The following ITGB5 variants were observed in gnomAD, a reference collection of about 807,000 sequenced individuals.
The protein encoded by ITGB5 is integrin subunit beta 5, also known as integrin beta-5.
A neutral mutation model predicts 84.8 loss-of-function variants in ITGB5; 38 were observed. The ratio of observed to expected loss-of-function variants is 0.45; its 90% CI spans 0.35 to 0.59. The LOEUF (loss-of-function observed/expected upper bound fraction) is 0.59, where lower values mean the gene tolerates loss of function less well. Ranked by LOEUF, ITGB5 falls within the 20% of genes least tolerant of loss-of-function variation. The pLI, the probability that ITGB5 is intolerant of heterozygous loss-of-function variation, is 0.01. For synonymous variants in ITGB5, 393 were observed against 414.4 expected (o/e 0.95, Z 0.63); for missense variants, 905 against 1,034.5 (o/e 0.87, Z 1.72).
rs527338905 is a variant in ITGB5 at position 124,844,554 on chromosome 3, G to A, written c.612-3003C>T. Among the ~76,000 whole-genome samples the A allele has an allele frequency of 1.1e-3, 173 of 151,842 alleles. 1 individual carries two copies. The highest frequency in any genetic ancestry group is 1.7e-3 in the Non-Finnish European group (117 of 67,928). On this transcript the variant is annotated intron_variant, in intron 4 of 14. Transcript: ENST00000296181. ...CAGCCTGAGTAACAGAGCAAGACTC[G>A]GTCTCAAAAAAAAAAGGTAGGAAAT... is the stretch of plus-strand genomic sequence containing the variant.
rs144809458 is a variant in ITGB5, at chr3:124,806,933, T to C, written c.1263+2089A>G. On this transcript the variant is annotated intron_variant, in intron 9 of 14. Transcript: ENST00000296181. ...GTACCTCTTTAATGAGATGAGGCTT[T>C]CCCCCCGATGTAAAATAATATTAAT... 1.6e-3 allele frequency among the ~76,000 whole-genome samples: 238 copies of C among 152,182 alleles called. 1 individual carries two copies. The highest frequency in any genetic ancestry group is 5.5e-3 in the African/African-American group (227 of 41,510).
chr3:124,769,195 G>A (rs772657697), intron 11 of ITGB5, 82 bp from the exon 12 acceptor site: 2 of 1,059,064 alleles, frequency 1.9e-6, no homozygotes, highest in Non-Finnish European at 2.8e-6. Context: ...GACAGTGCAG[G>A]ACCTGGGAAG....
In ITGB5 at chr3:124,871,411, G is replaced by T. The variant is rs527928222; in HGVS notation, c.156+2035C>A. Among the ~76,000 whole-genome samples, 369 of 152,248 alleles carry T rather than the reference G, an allele frequency of 2.4e-3. 2 individuals carry two copies. Among genetic ancestry groups the T allele is most frequent in the Non-Finnish European group, 4.6e-3 (312 of 68,014 alleles). The stretch of plus-strand genomic sequence containing the variant: ...GGGTTTCACCATATTGGCCAGGCTG[G>T]TCTCGAACTCCTGACCTTGTGATCC... On this transcript the variant is annotated intron_variant, in intron 2 of 14. Coordinates refer to ENST00000296181, the MANE Select transcript of ITGB5 (RefSeq NM_002213.5).
intron 5 of ITGB5, among the ~76,000 whole-genome samples, chr3:124,834,620 GGGGAGGGA>G (rs1163029069): frequency 9.7e-5 from 12 of 123,866 alleles, no homozygotes; most frequent in African/African-American, 2.8e-4. Flanking sequence ...AGGGAAGGAT[GGGGAGGGA>G]GGGAGGGAGG....
chr3:124,764,919 ACCATGAAGCC>A (rs1257230620), intron 13 of ITGB5, among the ~76,000 whole-genome samples: 2 of 152,186 alleles, frequency 1.3e-5, no homozygotes, highest in Non-Finnish European at 2.9e-5. Context: ...GGCAGGAGGT[ACCATGAAGCC>A]ACATGAAGCC....
rs1187133333 is a variant in ITGB5 at position 124,762,391 on chromosome 3, C to A, written c.*1232G>T. ...AGTTTGTCATTCAGTAACCTCCTAA[C>A]AAACACTCGGGCAAGCCACTTCCCC... On this transcript the variant is annotated 3_prime_UTR_variant, in exon 15 of 15. Coordinates refer to ENST00000296181, the MANE Select transcript of ITGB5 (RefSeq NM_002213.5). 1.3e-5 allele frequency: 2 copies of A among 152,192 alleles called. No homozygotes were observed. Among genetic ancestry groups the A allele is most frequent in the Admixed American group, 6.5e-5 (1 of 15,276 alleles). 9.4% of individuals were successfully genotyped at this position (152,192 alleles called of 1,614,324 possible).
At chr3:124,816,995 G>C (rs1395560001) in intron 8 of ITGB5, among the ~76,000 whole-genome samples, 1 of 152,058 alleles carries the variant, frequency 6.6e-6, no homozygotes, top group East Asian at 1.9e-4. Flanking sequence ...GAGGTGGGAG[G>C]ACTGCTTCCA....
chr3:124,895,601 T>C (rs1447311192), intron 1 of ITGB5, among the ~76,000 whole-genome samples: 7 of 152,138 alleles, frequency 4.6e-5, no homozygotes, highest in Non-Finnish European at 5.9e-5. Flanking sequence ...TTTCAAAAGA[T>C]GGGACAAGCT....
At chr3:124,819,704 C>T in intron 7 of ITGB5, 35 bp downstream of exon 7, 2 of 1,497,236 alleles carry the variant, frequency 1.3e-6, no homozygotes, top group Non-Finnish European at 1.9e-6. Flanking sequence ...CCACTTCACC[C>T]CACAAATCAC....
At chr3:124,799,095 A>G (rs2064277283) in intron 9 of ITGB5, among the ~76,000 whole-genome samples, 1 of 152,282 alleles carries the variant, frequency 6.6e-6, no homozygotes, top group South Asian at 2.1e-4. Flanking sequence ...GGCTAGCTCC[A>G]CCTTACCTTC....
rs1035073123 is a variant in ITGB5, at chr3:124,848,883, G to T, written c.362-325C>A. On this transcript the variant is annotated intron_variant, in intron 3 of 14. Coordinates refer to ENST00000296181, the MANE Select transcript of ITGB5 (RefSeq NM_002213.5). ...CAACCTCTGCCTACCAGGTTCAAGC[G>T]ATTCTCATGCCTCAGCCTCCTGAGT... 3.3e-5 allele frequency among the ~76,000 whole-genome samples: 5 copies of T among 151,996 alleles called. No individual in the cohort carries two copies. The East Asian group carries it at 7.7e-4, about 23-fold the overall frequency.
chr3:124,851,983 T>C (rs1465638640), intron 3 of ITGB5, among the ~76,000 whole-genome samples: 1 of 152,192 alleles, frequency 6.6e-6, no homozygotes, highest in Non-Finnish European at 1.5e-5. Flanking sequence ...AAGTGCACTT[T>C]CTGCTGAGAG....
intron 13 of ITGB5, 148 bp downstream of exon 13, chr3:124,766,078 A>G: frequency 1.2e-6 from 1 of 805,166 alleles, no homozygotes; most frequent in Non-Finnish European, 1.9e-6. Context: ...AAAAAAAAAG[A>G]AAAAGAAGAA....
chr3:124,780,226 T>C (rs2063984739), intron 10 of ITGB5, among the ~76,000 whole-genome samples: 1 of 136,888 alleles, frequency 7.3e-6, no homozygotes, highest in South Asian at 2.3e-4. Flanking sequence ...ACAAAGCCAC[T>C]GCTCCATTCA....
chr3:124,836,445 C>CA lies in ITGB5; in HGVS notation c.780+4937dup, dbSNP rs370216416. 7.2e-3 allele frequency among the ~76,000 whole-genome samples: 971 copies of CA among 135,192 alleles called. 7 individuals carry two copies. Among genetic ancestry groups the CA allele is most frequent in the African/African-American group, 0.024 (880 of 36,548 alleles). The allele number at this position is 135,192 out of a possible 152,430, so 88.7% of individuals were successfully genotyped here. On this transcript the variant is annotated intron_variant, in intron 5 of 14. Coordinates refer to ENST00000296181, the MANE Select transcript of ITGB5 (RefSeq NM_002213.5). ...TGGGCGATAGAATGAGATCTCCTTT[C>CA]AAAAAAAAAAGAAAAAGAAAAAAAA...
intron 5 of ITGB5, among the ~76,000 whole-genome samples, chr3:124,826,054 G>A (rs998920147): frequency 6.6e-6 from 1 of 152,136 alleles, no homozygotes; most frequent in Non-Finnish European, 1.5e-5. Flanking sequence ...CAGCACTATA[G>A]TTATAGTGTG....
At chr3:124,844,552 T>C (rs1471579715) in intron 4 of ITGB5, among the ~76,000 whole-genome samples, 1 of 151,438 alleles carries the variant, frequency 6.6e-6, no homozygotes, top group East Asian at 1.9e-4. Context: ...AGAGCAAGAC[T>C]CGGTCTCAAA....
chr3:124,871,962 G>A (rs1934078929), intron 2 of ITGB5, among the ~76,000 whole-genome samples: 1 of 152,144 alleles, frequency 6.6e-6, no homozygotes, highest in Admixed American at 6.6e-5. Flanking sequence ...TCTCAAGCTG[G>A]GCTCTCTGGG....
At chr3:124,792,081 G>A (rs570047231) in intron 10 of ITGB5, 5 of 152,246 alleles carry the variant, frequency 3.3e-5, no homozygotes, top group African/African-American at 7.2e-5. Flanking sequence ...TATTTTCTCC[G>A]GAAAGACTTG....
Sources: gnomAD v4.1 joint callset for allele counts (sites outside exome capture counted in the v4.1 genomes callset) on GRCh38, gnomAD v4.1.1 for gene constraint, MANE v1.5 for transcripts, NCBI Gene and HGNC (gene_info 2026-07-23, HGNC 2026-07-21) for gene names.